The following NXPE1 variants were observed in gnomAD, a reference collection of about 807,000 sequenced individuals.
The protein encoded by NXPE1 is neurexophilin and PC-esterase domain family member 1.
Under a neutral mutation model 33.3 loss-of-function variants are expected in NXPE1, and 31 were observed. The ratio of observed to expected loss-of-function variants is 0.93; its 90% CI spans 0.70 to 1.26. The LOEUF is 1.26. Ranked by LOEUF, NXPE1 falls within the 50% of genes most tolerant of loss-of-function variation. The pLI is 0.00. For synonymous variants in NXPE1, 229 were observed against 231.4 expected (o/e 0.99, Z 0.09); for missense variants, 661 against 655.6 (o/e 1.01, Z -0.09).
At chr11:114,557,059 A>AT (rs554830758) in intron 1 of NXPE1, among the ~76,000 whole-genome samples, 135 of 151,758 alleles carry the variant, frequency 8.9e-4, no homozygotes, top group African/African-American at 3.1e-3. Flanking sequence ...CACCTGGCCA[A>AT]TTTTTTGTAG....
intron 5 of NXPE1, among the ~76,000 whole-genome samples, chr11:114,549,849 T>C (rs1448230946): frequency 6.6e-6 from 1 of 151,912 alleles, no homozygotes; most frequent in East Asian, 1.9e-4. Flanking sequence ...AATGGAGAAA[T>C]GACTACAAAT....
chr11:114,555,608 A>G (rs1322994266), intron 1 of NXPE1, among the ~76,000 whole-genome samples: 1 of 152,150 alleles, frequency 6.6e-6, no homozygotes. Context: ...CAATAAGTAG[A>G]ATATTACCAC....
chr11:114,522,083 T>C lies in NXPE1; in HGVS notation c.1529A>G (p.Asn510Ser), dbSNP rs150910581. 3.7e-6 allele frequency: 6 copies of C among 1,614,076 alleles called. No homozygotes were observed. The African/African-American group carries it at 8.0e-5, about 22-fold the overall frequency. ...GTCCCAGGCATCAATGATGCCCACGTTGAGGTCTTTGAAAATATCCTTCAT... is the reference window on the plus strand; with the variant it reads ...GTCCCAGGCATCAATGATGCCCACGCTGAGGTCTTTGAAAATATCCTTCAT... Residue 510 changes from asparagine to serine, a missense_variant, in exon 9 of 9, where the codon AAC becomes AGC. By Grantham distance (46) the Asn-to-Ser change is conservative. Coordinates refer to ENST00000534921, the Ensembl canonical transcript of NXPE1.
chr11:114,556,803 A>G (rs1381130400), intron 1 of NXPE1, among the ~76,000 whole-genome samples: 1 of 151,642 alleles, frequency 6.6e-6, no homozygotes, highest in African/African-American at 2.4e-5. Flanking sequence ...TATATTTCAT[A>G]TTATCGTTGA....
chr11:114,530,682 C>T (rs758771460), exon 6 of NXPE1: 21 of 1,613,924 alleles, frequency 1.3e-5, no homozygotes, highest in Non-Finnish European at 1.6e-5. Context: ...GTATGTATCT[C>T]GAGGGTTGAG....
chr11:114,537,122 C>A (rs1293916659), intron 5 of NXPE1, among the ~76,000 whole-genome samples: 2 of 152,076 alleles, frequency 1.3e-5, no homozygotes, highest in Non-Finnish European at 2.9e-5. Context: ...AAGGCTGGTT[C>A]AACATATGCA....
At chr11:114,544,348 T>C (rs1948203313) in intron 5 of NXPE1, among the ~76,000 whole-genome samples, 1 of 152,194 alleles carries the variant, frequency 6.6e-6, no homozygotes, top group African/African-American at 2.4e-5. Context: ...GCTGCCGTTA[T>C]CAAGACAATG....
In NXPE1 at chr11:114,522,240, G is replaced by A. The variant is rs767705521; in HGVS notation, c.1372C>T (p.Gln458Ter). The change falls in exon 9 of 9, where the codon CAA becomes TAA. Residue 458 changes from glutamine to a stop codon, truncating the protein, a stop_gained. Transcript: ENST00000534921. LOFTEE classifies it low-confidence loss of function (END_TRUNC). ...AGGAACAGTCTTTCAATAGCCTTTT[G>A]AACACCGATGGCCCTGCGAATAAAA... The A allele has an allele frequency of 1.9e-6, 3 of 1,613,898 alleles. No individual in the cohort carries two copies. Among genetic ancestry groups the A allele is most frequent in the South Asian group, 1.1e-5 (1 of 91,070 alleles).
chr11:114,548,019 A>G (rs1437845946), intron 5 of NXPE1, among the ~76,000 whole-genome samples: 1 of 152,202 alleles, frequency 6.6e-6, no homozygotes, highest in Non-Finnish European at 1.5e-5. Context: ...GAACAATTAA[A>G]TACCACATTA....
intron 5 of NXPE1, among the ~76,000 whole-genome samples, chr11:114,534,516 C>G (rs1947718688): frequency 6.6e-6 from 1 of 151,946 alleles, no homozygotes; most frequent in African/African-American, 2.4e-5. Flanking sequence ...GAATCAATGG[C>G]AAAGAAGTTA....
At chr11:114,550,225 T>G (rs1948427338) in intron 5 of NXPE1, among the ~76,000 whole-genome samples, 2 of 152,142 alleles carry the variant, frequency 1.3e-5, no homozygotes, top group Non-Finnish European at 1.5e-5. Context: ...GAAAGTTCAC[T>G]TGAAAGGATA....
chr11:114,535,425 A>G (rs2135000695), intron 5 of NXPE1, among the ~76,000 whole-genome samples: 1 of 152,356 alleles, frequency 6.6e-6, no homozygotes, highest in South Asian at 2.1e-4. Flanking sequence ...AAATTCACAC[A>G]TAACAATACT....
At chr11:114,554,664 A>G (rs913320548) in intron 1 of NXPE1, among the ~76,000 whole-genome samples, 7 of 152,246 alleles carry the variant, frequency 4.6e-5, no homozygotes, top group African/African-American at 1.7e-4. Context: ...TATGAGTGAT[A>G]TTTCAAGATT....
chr11:114,533,450 A>G (rs1249828387), intron 5 of NXPE1, among the ~76,000 whole-genome samples: 1 of 152,140 alleles, frequency 6.6e-6, no homozygotes, highest in Non-Finnish European at 1.5e-5. Context: ...AGGACAGTGG[A>G]TGCAGCACAC....
In NXPE1 at chr11:114,522,589, C is replaced by A. The variant is rs868269181; in HGVS notation, c.1109-86G>T. 85 of 1,187,350 alleles carry A rather than the reference C, an allele frequency of 7.2e-5. 1 individual carries two copies. In the East Asian group the frequency reaches 8.4e-4, roughly 12 times the overall value. 73.6% of individuals were successfully genotyped at this position (1,187,350 alleles called of 1,614,324 possible). A position where few individuals can be genotyped will look rare whatever the true frequency, so the allele number is the denominator to read the frequency against. On this transcript the variant is annotated intron_variant, in intron 8 of 8. Coordinates refer to ENST00000534921, the Ensembl canonical transcript of NXPE1. ...AATGTCCTATCATTTAAAATACCCA[C>A]CCTACCTAGATAATTGCTCACTGGA... is the stretch of plus-strand genomic sequence containing the variant.
intron 1 of NXPE1, among the ~76,000 whole-genome samples, chr11:114,554,934 G>A (rs1412404110): frequency 6.6e-6 from 1 of 152,120 alleles, no homozygotes; most frequent in Non-Finnish European, 1.5e-5. Context: ...AGAGCTTGAT[G>A]TTTACCTTCC....
chr11:114,551,130 A>AATC, exon 5 of NXPE1: 1 of 1,531,342 alleles, frequency 6.5e-7, no homozygotes, highest in Non-Finnish European at 8.8e-7. Flanking sequence ...AAATTATAAA[A>AATC]ATCATCCAGG....
chr11:114,540,270 G>C (rs1031877299), intron 5 of NXPE1, among the ~76,000 whole-genome samples: 1 of 152,160 alleles, frequency 6.6e-6, no homozygotes, highest in Admixed American at 6.5e-5. Flanking sequence ...AATCCAATTT[G>C]TTTAGGAGAC....
chr11:114,547,591 C>T (rs150184300), intron 5 of NXPE1, among the ~76,000 whole-genome samples: 78 of 152,064 alleles, frequency 5.1e-4, no homozygotes, highest in Middle Eastern at 3.4e-3. Context: ...AAAAATTAGC[C>T]GGGTGTGCTG....
Sources: gnomAD v4.1 joint callset for allele counts (sites outside exome capture counted in the v4.1 genomes callset) on GRCh38, gnomAD v4.1.1 for gene constraint, MANE v1.5 for transcripts, NCBI Gene and HGNC (gene_info 2026-07-23, HGNC 2026-07-21) for gene names.